The following DAAM2 variants were observed in gnomAD, a reference collection of about 807,000 sequenced individuals.
DAAM2 encodes dishevelled associated activator of morphogenesis 2.
In DAAM2, 39 loss-of-function variants were observed where a neutral mutation model predicts 120.7. The observed-to-expected ratio is 0.32, with a 90% CI of 0.25 to 0.42. The LOEUF is 0.42. Ranked by LOEUF, DAAM2 falls within the 10% of genes least tolerant of loss-of-function variation. The probability of loss-of-function intolerance (pLI) is 1.00; values close to 1 mark genes in which losing one functional copy is unlikely to be tolerated. For missense variants in DAAM2, 1,283 were observed against 1,401.7 expected (o/e 0.92, Z 1.35); for synonymous variants, 488 against 524.9 (o/e 0.93, Z 0.96).
chr6:39,814,188 C>CTT, intron 1 of DAAM2, among the ~76,000 whole-genome samples: 1 of 139,908 alleles, frequency 7.1e-6, no homozygotes, highest in African/African-American at 2.7e-5. Context: ...TTCTTTCTTT[C>CTT]TTTTTTTTTT....
At chr6:39,829,900 A>G (rs1762813095) in intron 1 of DAAM2, among the ~76,000 whole-genome samples, 1 of 152,058 alleles carries the variant, frequency 6.6e-6, no homozygotes, top group South Asian at 2.1e-4. Context: ...TTCTCCCCCA[A>G]GTTGTTGCTG....
At position 39,837,663 on chromosome 6, in the gene DAAM2, C is replaced by CAAAAAAAAAAAAAAA. The variant is rs758751293; in HGVS notation, c.-56-18575_-56-18561dup. On this transcript the variant is annotated intron_variant, in intron 1 of 24. Transcript: ENST00000274867. ...GGGCAACAAGAGCGAAACTCCATCT[C>CAAAAAAAAAAAAAAA]AAAAAAAAAAAAAAAAAAAAAAAGA... 1.1e-3 allele frequency among the ~76,000 whole-genome samples: 44 copies of CAAAAAAAAAAAAAAA among 41,188 alleles called. 1 individual carries two copies. The highest frequency in any genetic ancestry group is 3.0e-3 in the African/African-American group (27 of 8,946). 27.0% of individuals were successfully genotyped at this position (41,188 alleles called of 152,430 possible).
In DAAM2 at chr6:39,904,197, G is replaced by A; in HGVS notation, c.*2160G>A. On this transcript the variant is annotated 3_prime_UTR_variant, in exon 25 of 25. Coordinates refer to ENST00000274867, the MANE Select transcript of DAAM2 (RefSeq NM_001201427.2). ...CAAGATACATTTGATCTTCAGAAAA[G>A]CAGAATTTGGTTCAACTGTTGACAG... is the stretch of plus-strand genomic sequence containing the variant. 1 of 456,764 alleles carries A rather than the reference G, an allele frequency of 2.2e-6. No individual in the cohort carries two copies. The highest frequency in any genetic ancestry group is 4.4e-6 in the Non-Finnish European group (1 of 226,980). 28.3% of individuals were successfully genotyped at this position (456,764 alleles called of 1,614,324 possible). A position where few individuals can be genotyped will look rare whatever the true frequency, so the allele number is the denominator to read the frequency against.
chr6:39,868,132 T>TAC, intron 6 of DAAM2: 3 of 418,082 alleles, frequency 7.2e-6, no homozygotes, highest in Admixed American at 3.7e-5. Context: ...ATTATTTTTG[T>TAC]GGCTCTGCAT....
chr6:39,863,948 G>A (rs1269700411), intron 3 of DAAM2, among the ~76,000 whole-genome samples: 10 of 152,064 alleles, frequency 6.6e-5, no homozygotes, highest in African/African-American at 2.2e-4. Context: ...TGTGCCAAGT[G>A]TTTTCTATTA....
chr6:39,897,323 C>T (rs780742259), intron 21 of DAAM2, 41 bp downstream of exon 21: 1 of 1,307,092 alleles, frequency 7.7e-7, no homozygotes, highest in Admixed American at 1.7e-5. Flanking sequence ...CCATGATGAC[C>T]CTCATTCTTG....
At chr6:39,822,425 T>A (rs1287666869) in intron 1 of DAAM2, 2 of 152,212 alleles carry the variant, frequency 1.3e-5, no homozygotes, top group African/African-American at 4.8e-5. Context: ...TGCCAGGCTT[T>A]GTGCTGGGGA....
intron 7 of DAAM2, among the ~76,000 whole-genome samples, chr6:39,869,446 G>A (rs1313752940): frequency 6.6e-6 from 1 of 152,164 alleles, no homozygotes; most frequent in Non-Finnish European, 1.5e-5. Flanking sequence ...AATTAGCCAA[G>A]TGTGGTGGTG....
At chr6:39,879,873 C>T (rs180949596) in intron 14 of DAAM2, 3 of 334,344 alleles carry the variant, frequency 9.0e-6, no homozygotes, top group Non-Finnish European at 1.7e-5. Flanking sequence ...ACAATGTATA[C>T]AAAGGACTAA....
At chr6:39,858,205 C>A (rs1582685437) in intron 2 of DAAM2, among the ~76,000 whole-genome samples, 2 of 152,162 alleles carry the variant, frequency 1.3e-5, no homozygotes, top group South Asian at 4.1e-4. Context: ...ACCCTAAGGG[C>A]AGTGGAAAGC....
At position 39,875,399 on chromosome 6, in the gene DAAM2, A is replaced by C. The variant is rs1371071585; in HGVS notation, c.1232A>C (p.Gln411Pro). 1 of 1,614,026 alleles carries C rather than the reference A, an allele frequency of 6.2e-7. No homozygotes were observed. Among genetic ancestry groups the C allele is most frequent in the South Asian group, 1.1e-5 (1 of 91,076 alleles). The change falls in exon 11 of 25, where the codon CAG becomes CCG. Residue 411 changes from glutamine to proline, a missense_variant. Physicochemically the swap from Gln to Pro is moderately conservative, Grantham distance 76. Coordinates refer to ENST00000274867, the MANE Select transcript of DAAM2 (RefSeq NM_001201427.2). Reference sequence around the variant, plus strand: ...CGCATCCTCCAGCAGATTGTCCTCCAGGATGAGCGGGGTGTGGACCCTGAC... The same window carrying C: ...CGCATCCTCCAGCAGATTGTCCTCCCGGATGAGCGGGGTGTGGACCCTGAC... ...LDRILQQIVL[Q>P]DERGVDPDLA...
chr6:39,868,093 G>C, intron 6 of DAAM2: 1 of 503,956 alleles, frequency 2.0e-6, no homozygotes, highest in South Asian at 2.8e-5. Flanking sequence ...TTAGTCAGTG[G>C]GTTCCTGGAA....
chr6:39,856,019 C>T, intron 1 of DAAM2: 1 of 984,686 alleles, frequency 1.0e-6, no homozygotes, highest in Non-Finnish European at 1.2e-6. Flanking sequence ...GCAGATAACA[C>T]TCAGAGGACA....
intron 3 of DAAM2, among the ~76,000 whole-genome samples, chr6:39,862,987 C>T (rs974171037): frequency 1.3e-5 from 2 of 152,020 alleles, no homozygotes; most frequent in Non-Finnish European, 2.9e-5. Flanking sequence ...TCTTTAATAG[C>T]CCAGTGTTCT....
chr6:39,797,207 T>C (rs1174572779), intron 1 of DAAM2, among the ~76,000 whole-genome samples: 1 of 152,210 alleles, frequency 6.6e-6, no homozygotes, highest in Non-Finnish European at 1.5e-5. Context: ...GAGCTCTCCA[T>C]AGAGCTTGTT....
chr6:39,813,103 G>A (rs927390181), intron 1 of DAAM2, among the ~76,000 whole-genome samples: 1 of 151,892 alleles, frequency 6.6e-6, no homozygotes, highest in African/African-American at 2.4e-5. Flanking sequence ...GGCACTAACC[G>A]GATGACATTT....
At chr6:39,886,360 C>A in intron 15 of DAAM2, 1 of 399,282 alleles carries the variant, frequency 2.5e-6, no homozygotes, top group Non-Finnish European at 4.4e-6. Context: ...TTCTGGGTCC[C>A]CAAATGTCTT....
chr6:39,871,716 T>TC, intron 9 of DAAM2, 144 bp downstream of exon 9: 1 of 650,134 alleles, frequency 1.5e-6, no homozygotes, highest in Non-Finnish European at 2.7e-6. Flanking sequence ...GGTCCTGTGA[T>TC]CAGTCATAGT....
chr6:39,866,203 G>A (rs1323755697), intron 5 of DAAM2, among the ~76,000 whole-genome samples: 1 of 152,208 alleles, frequency 6.6e-6, no homozygotes, highest in Non-Finnish European at 1.5e-5. Context: ...ATAGAGGAAA[G>A]GATGAGGTAG....
Sources: allele counts gnomAD v4.1 joint callset (sites outside exome capture counted in the v4.1 genomes callset), GRCh38; gene constraint gnomAD v4.1.1; transcripts MANE v1.5; gene names NCBI Gene and HGNC (gene_info 2026-07-23, HGNC 2026-07-21).